Variants in SAMD12 observed in about 807,000 individuals in gnomAD.
SAMD12 encodes sterile alpha motif domain-containing protein 12.
A neutral mutation model predicts 15.0 loss-of-function variants in SAMD12; 9 were observed. That is an observed-to-expected ratio of 0.60 (90% CI 0.36 to 1.05). The LOEUF is 1.05. Ranked by LOEUF, SAMD12 falls within the 50% of genes least tolerant of loss-of-function variation. SAMD12 has a pLI of 0.01. For missense variants in SAMD12, 230 were observed against 234.2 expected, an observed-to-expected ratio of 0.98 and a Z score of 0.12; for synonymous variants, 86 against 90.1, an observed-to-expected ratio of 0.96 and a Z score of 0.25.
chr8:118,235,331 C>G (rs1222140039), intron 4 of SAMD12, among the ~76,000 whole-genome samples: 2 of 152,082 alleles, frequency 1.3e-5, no homozygotes, highest in African/African-American at 4.8e-5. Flanking sequence ...CTGCCTCAGC[C>G]TCTGAAGTAA....
chr8:118,596,741 G>T (rs374317822), intron 1 of SAMD12, among the ~76,000 whole-genome samples: 1 of 152,086 alleles, frequency 6.6e-6, no homozygotes, highest in Non-Finnish European at 1.5e-5. Context: ...GAATACCTTC[G>T]GTTTGCCAGG....
chr8:118,357,003 G>T (rs1256883487), intron 4 of SAMD12, among the ~76,000 whole-genome samples: 2 of 152,102 alleles, frequency 1.3e-5, no homozygotes, highest in Admixed American at 6.6e-5. Context: ...TGCAAAATTG[G>T]ACTATCTGAC....
At chr8:118,242,968 G>C (rs1004011597) in intron 4 of SAMD12, among the ~76,000 whole-genome samples, 11 of 152,138 alleles carry the variant, frequency 7.2e-5, no homozygotes, top group African/African-American at 2.7e-4. Flanking sequence ...AACATGGAGT[G>C]AAAGGAGGCC....
chr8:118,262,845 T>C (rs984159850), intron 4 of SAMD12, among the ~76,000 whole-genome samples: 1 of 152,128 alleles, frequency 6.6e-6, no homozygotes, highest in Non-Finnish European at 1.5e-5. Flanking sequence ...GCTTCTAGAA[T>C]AGAGCTCAGT....
chr8:118,234,033 A>C (rs746504011), intron 4 of SAMD12, among the ~76,000 whole-genome samples: 47 of 152,140 alleles, frequency 3.1e-4, no homozygotes, highest in Non-Finnish European at 6.3e-4. Context: ...TTTGGGAGTA[A>C]TGTTAAAGGA....
chr8:118,614,969 TG>T (rs888965771), intron 1 of SAMD12, among the ~76,000 whole-genome samples: 2 of 152,162 alleles, frequency 1.3e-5, no homozygotes, highest in Admixed American at 1.3e-4. Context: ...CGCTTGCTCT[TG>T]TGGTTTCAAA....
intron 4 of SAMD12, among the ~76,000 whole-genome samples, chr8:118,366,769 G>A (rs1488111599): frequency 2.0e-5 from 3 of 149,534 alleles, no homozygotes; most frequent in East Asian, 2.0e-4. Context: ...CCCAGATCGC[G>A]CCATTGCACT....
intron 1 of SAMD12, among the ~76,000 whole-genome samples, chr8:118,587,579 T>C (rs1312906500): frequency 6.6e-6 from 1 of 152,224 alleles, no homozygotes; most frequent in Non-Finnish European, 1.5e-5. Context: ...GTTCTGGAAC[T>C]GACAAAAGAG....
At chr8:118,534,866 A>G (rs1332048384) in intron 2 of SAMD12, among the ~76,000 whole-genome samples, 3 of 152,024 alleles carry the variant, frequency 2.0e-5, no homozygotes, top group Non-Finnish European at 4.4e-5. Context: ...CAAGATTTTT[A>G]GCTTCTTTGT....
chr8:118,164,917 C>T, the SAMD12 span, among the ~76,000 whole-genome samples: 2 of 151,124 alleles, frequency 1.3e-5, no homozygotes, highest in Non-Finnish European at 2.9e-5. Flanking sequence ...TAGAAAACCA[C>T]CTGTTTTCTC....
the SAMD12 span, among the ~76,000 whole-genome samples, chr8:118,141,700 T>C: frequency 6.6e-6 from 1 of 152,228 alleles, no homozygotes; most frequent in Non-Finnish European, 1.5e-5. Flanking sequence ...CAGTGAGTAA[T>C]AGAAGCCACA....
At chr8:118,489,741 CTTCTG>C (rs2131011476) in intron 2 of SAMD12, among the ~76,000 whole-genome samples, 1 of 152,240 alleles carries the variant, frequency 6.6e-6, no homozygotes, top group African/African-American at 2.4e-5. Flanking sequence ...TCGTAATGTC[CTTCTG>C]TTCTAAGCCC....
chr8:118,307,253 G>A (rs1387583095), intron 4 of SAMD12, among the ~76,000 whole-genome samples: 1 of 152,224 alleles, frequency 6.6e-6, no homozygotes, highest in African/African-American at 2.4e-5. Context: ...AATTAGAAAT[G>A]TGGACTTCTG....
chr8:118,606,014 A>C (rs914785468), intron 1 of SAMD12, among the ~76,000 whole-genome samples: 7 of 152,004 alleles, frequency 4.6e-5, no homozygotes, highest in African/African-American at 1.7e-4. Context: ...TGCCCAGATA[A>C]TAATGTTTTA....
chr8:118,227,296 A>G (rs1361338817), intron 4 of SAMD12, among the ~76,000 whole-genome samples: 1 of 152,184 alleles, frequency 6.6e-6, no homozygotes, highest in Non-Finnish European at 1.5e-5. Context: ...CTTCTCACTT[A>G]TAAGTGTGAG....
chr8:118,554,234 G>A (rs1005535651), intron 2 of SAMD12, among the ~76,000 whole-genome samples: 35 of 152,246 alleles, frequency 2.3e-4, no homozygotes, highest in Admixed American at 3.9e-4. Context: ...ACATGCACAC[G>A]TATGTTTATT....
chr8:118,607,302 C>A (rs1423830824), intron 1 of SAMD12, among the ~76,000 whole-genome samples: 2 of 151,986 alleles, frequency 1.3e-5, no homozygotes, highest in African/African-American at 4.8e-5. Context: ...ATGGCACAAT[C>A]TCGGCTCACT....
At chr8:118,411,500 T>C (rs948413020) in intron 3 of SAMD12, among the ~76,000 whole-genome samples, 1 of 152,180 alleles carries the variant, frequency 6.6e-6, no homozygotes, top group African/African-American at 2.4e-5. Flanking sequence ...AATAAAAGCA[T>C]CACAGGGATT....
In SAMD12 at chr8:118,444,463, G is replaced by A. The variant is rs532870228; in HGVS notation, c.193-4502C>T. On this transcript the variant is annotated intron_variant, in intron 2 of 3. Coordinates refer to ENST00000314727, the MANE Select transcript of SAMD12 (RefSeq NM_207506.3). ...ATTTCAGACGCTTTTCCTTTCTGAT[G>A]CCTTTCTGTTTTACAGGAAGAACTA... Among the ~76,000 whole-genome samples the A allele has an allele frequency of 2.0e-5, 3 of 151,858 alleles. 1 individual carries two copies. Among genetic ancestry groups the A allele is most frequent in the African/African-American group, 7.2e-5 (3 of 41,406 alleles).
Sources: gnomAD v4.1 joint callset for allele counts (sites outside exome capture counted in the v4.1 genomes callset) on GRCh38, gnomAD v4.1.1 for gene constraint, MANE v1.5 for transcripts, NCBI Gene and HGNC (gene_info 2026-07-23, HGNC 2026-07-21) for gene names.